Variants in FOXP2 observed in about 807,000 individuals in gnomAD.
FOXP2 encodes the protein forkhead box protein P2.
In FOXP2, 12 loss-of-function variants were observed where a neutral mutation model predicts 115.8. The observed-to-expected ratio is 0.10, with a 90% CI of 0.07 to 0.17. FOXP2 has a LOEUF of 0.17. FOXP2 is among the 10% of genes least tolerant of loss of function. The pLI is 1.00. For synonymous variants in FOXP2, 328 were observed against 297.7 expected, an observed-to-expected ratio of 1.10 and a Z score of -1.05; for missense variants, 629 against 843.5, an observed-to-expected ratio of 0.75 and a Z score of 3.15.
intron 2 of FOXP2, among the ~76,000 whole-genome samples, chr7:114,338,442 A>G (rs1791109668): frequency 6.6e-6 from 1 of 151,006 alleles, no homozygotes; most frequent in African/African-American, 2.4e-5. Context: ...AAAGCATTTT[A>G]TTACTAATAG....
chr7:114,502,002 G>C (rs999950213), intron 2 of FOXP2, among the ~76,000 whole-genome samples: 2 of 151,916 alleles, frequency 1.3e-5, no homozygotes, highest in African/African-American at 4.8e-5. Context: ...ATTGTGTCTA[G>C]AAATAATCTG....
At chr7:114,313,840 T>G (rs1223280111) in intron 2 of FOXP2, among the ~76,000 whole-genome samples, 4 of 152,114 alleles carry the variant, frequency 2.6e-5, no homozygotes, top group Non-Finnish European at 4.4e-5. Context: ...TATATAATTC[T>G]AACACATATC....
chr7:114,484,470 G>C (rs1796686533), intron 2 of FOXP2, among the ~76,000 whole-genome samples: 1 of 151,718 alleles, frequency 6.6e-6, no homozygotes, highest in African/African-American at 2.4e-5. Context: ...TCACTAACAG[G>C]GTTTGCCAAG....
chr7:114,528,196 T>C (rs1798965725), intron 2 of FOXP2, among the ~76,000 whole-genome samples: 1 of 152,080 alleles, frequency 6.6e-6, no homozygotes, highest in African/African-American at 2.4e-5. Flanking sequence ...TCACTATATA[T>C]AATCTCACAT....
chr7:114,112,185 A>G (rs1027495624), intron 1 of FOXP2, among the ~76,000 whole-genome samples: 1 of 152,150 alleles, frequency 6.6e-6, no homozygotes, highest in African/African-American at 2.4e-5. Context: ...TCACCTTGAA[A>G]CACAAACCTG....
chr7:114,327,042 A>C (rs144935477), intron 2 of FOXP2, among the ~76,000 whole-genome samples: 3 of 152,296 alleles, frequency 2.0e-5, no homozygotes, highest in Admixed American at 6.5e-5. Context: ...AGAGCATAGA[A>C]ATTCACTTCC....
exon 1 of FOXP2, chr7:114,087,811 A>G (rs1799453912): frequency 6.6e-6 from 1 of 152,014 alleles, no homozygotes; most frequent in Admixed American, 6.5e-5. Flanking sequence ...AGTTACCCTC[A>G]CTATTCTCAG....
intron 3 of FOXP2, among the ~76,000 whole-genome samples, chr7:114,601,138 G>A (rs1584940602): frequency 6.6e-6 from 1 of 151,930 alleles, no homozygotes; most frequent in Non-Finnish European, 1.5e-5. Flanking sequence ...GCTAATTTTT[G>A]TATTTTTAGT....
At chr7:114,629,300 A>T (rs906821246) in intron 4 of FOXP2, among the ~76,000 whole-genome samples, 1 of 152,162 alleles carries the variant, frequency 6.6e-6, no homozygotes, top group African/African-American at 2.4e-5. Flanking sequence ...ATTAGAGAGA[A>T]AATAATGTGC....
chr7:114,654,068 A>T, intron 10 of FOXP2, 59 bp downstream of exon 10: 1 of 1,611,720 alleles, frequency 6.2e-7, no homozygotes, highest in Admixed American at 1.7e-5. Context: ...AGACTAAGAA[A>T]ATGAACAATT....
intron 2 of FOXP2, among the ~76,000 whole-genome samples, chr7:114,331,256 C>A (rs1797705288): frequency 6.6e-6 from 1 of 152,076 alleles, no homozygotes; most frequent in Non-Finnish European, 1.5e-5. Context: ...AAATATACTA[C>A]CTGAGCCTGT....
intron 2 of FOXP2, chr7:114,499,751 T>C (rs894867484): frequency 1.3e-5 from 2 of 152,182 alleles, no homozygotes; most frequent in African/African-American, 4.8e-5. Flanking sequence ...TTGTGCGATG[T>C]AATGGTCATT....
chr7:114,422,329 G>A (rs1052673714), intron 1 of FOXP2, among the ~76,000 whole-genome samples: 3 of 151,516 alleles, frequency 2.0e-5, no homozygotes, highest in African/African-American at 7.3e-5. Context: ...AGTTTTCTGG[G>A]AAGTCATTTT....
At chr7:114,168,236 G>T (rs1010605226) in intron 1 of FOXP2, among the ~76,000 whole-genome samples, 14 of 152,160 alleles carry the variant, frequency 9.2e-5, no homozygotes, top group African/African-American at 3.4e-4. Flanking sequence ...AACAGGCAGA[G>T]GTTGGAACAG....
intron 1 of FOXP2, among the ~76,000 whole-genome samples, chr7:114,190,457 C>T (rs898465020): frequency 1.3e-5 from 2 of 152,182 alleles, no homozygotes; most frequent in Admixed American, 6.5e-5. Context: ...TCAGACACAG[C>T]CTGGGACTTA....
chr7:114,312,559 G>C lies in FOXP2; in HGVS notation c.-11+24450G>C, dbSNP rs140242558. The stretch of plus-strand genomic sequence containing the variant: ...CTCAAACCTGTTGGGTTTAGGGTAT[G>C]AGTTTACCTAATAGTCTAGCAATTA... On this transcript the variant is annotated intron_variant, in intron 2 of 17. Coordinates refer to the FOXP2 transcript ENST00000634411. Among the ~76,000 whole-genome samples the C allele has an allele frequency of 2.6e-3, 398 of 152,274 alleles. 2 individuals are homozygous for C. The highest frequency in any genetic ancestry group is 9.2e-3 in the African/African-American group (384 of 41,556).
chr7:114,626,613 A>G (rs1437424318), intron 3 of FOXP2, among the ~76,000 whole-genome samples: 1 of 151,480 alleles, frequency 6.6e-6, no homozygotes, highest in Non-Finnish European at 1.5e-5. Flanking sequence ...CTATCTATCT[A>G]TCTAGATTGA....
rs537754507 is a variant in FOXP2 at position 114,646,416 on chromosome 7, A to G, written c.1094+1627A>G. Among the ~76,000 whole-genome samples, 205 of 152,228 alleles carry G rather than the reference A, an allele frequency of 1.3e-3. 1 individual carries two copies. Among genetic ancestry groups the G allele is most frequent in the Middle Eastern group, 6.8e-3 (2 of 294 alleles). ...ATTTATGTTTTTATTACTGACAACCAGATGAATATGAACCCTCATTTTACC... is the reference window on the plus strand; with the variant it reads ...ATTTATGTTTTTATTACTGACAACCGGATGAATATGAACCCTCATTTTACC... On this transcript the variant is annotated intron_variant, in intron 8 of 16. Coordinates refer to ENST00000350908, the MANE Select transcript of FOXP2 (RefSeq NM_014491.4).
chr7:114,542,669 T>G (rs1799724625), intron 3 of FOXP2, among the ~76,000 whole-genome samples: 1 of 152,190 alleles, frequency 6.6e-6, no homozygotes, highest in Admixed American at 6.6e-5. Flanking sequence ...AATGGTCAGT[T>G]CTTCTAAGAA....
Sources: gnomAD v4.1 joint callset for allele counts (sites outside exome capture counted in the v4.1 genomes callset) on GRCh38, gnomAD v4.1.1 for gene constraint, MANE v1.5 for transcripts, NCBI Gene and HGNC (gene_info 2026-07-23, HGNC 2026-07-21) for gene names.